SCAF4: variants seen among roughly 807,000 people sequenced by gnomAD.
The protein encoded by SCAF4 is SR-related and CTD-associated factor 4.
SCAF4 carries 25 observed loss-of-function variants against 129.8 expected under a neutral mutation model. The observed-to-expected ratio is 0.19, with a 90% CI of 0.14 to 0.27. The LOEUF (loss-of-function observed/expected upper bound fraction) is 0.27, where lower values mean the gene tolerates loss of function less well. Among genes scored for constraint, SCAF4 ranks in the 10% least tolerant of loss-of-function variants. SCAF4 has a pLI of 1.00. For synonymous variants in SCAF4, 551 were observed against 497.7 expected (o/e 1.11, Z -1.43); for missense variants, 1,246 against 1,457.1 (o/e 0.86, Z 2.36).
intron 1 of SCAF4, among the ~76,000 whole-genome samples, chr21:31,724,045 A>G (rs930344990): frequency 7.2e-5 from 11 of 152,312 alleles, no homozygotes; most frequent in African/African-American, 2.6e-4. Flanking sequence ...GGGTTTCTGT[A>G]TACTTACTTA....
chr21:31,685,412 A>C lies in SCAF4; in HGVS notation c.2282T>G (p.Ile761Arg). Residue 761 changes from isoleucine to arginine, a missense_variant, in exon 18 of 20, where the codon ATA (isoleucine) becomes AGA (arginine). Transcript: ENST00000286835. ...AACATGCTTACAGTTTGGGATGCTT[A>C]TTGGTGGAGTGTGAGGAGGAGGAAT... Reference protein sequence around the residue: ...VSIPPPHTPPISIPNSTIAGI... With the variant: ...VSIPPPHTPPRSIPNSTIAGI... 1 of 1,611,858 alleles carries C rather than the reference A, an allele frequency of 6.2e-7. No homozygotes were observed. Among genetic ancestry groups the C allele is most frequent in the Non-Finnish European group, 8.5e-7 (1 of 1,178,852 alleles).
intron 2 of SCAF4, among the ~76,000 whole-genome samples, chr21:31,705,971 C>T (rs1245010266): frequency 2.0e-5 from 3 of 152,142 alleles, no homozygotes; most frequent in Non-Finnish European, 1.5e-5. Flanking sequence ...TCAGGTGGCT[C>T]AGGCATGAGA....
chr21:31,710,772 C>T (rs1197679744), intron 1 of SCAF4, among the ~76,000 whole-genome samples: 1 of 152,198 alleles, frequency 6.6e-6, no homozygotes, highest in Non-Finnish European at 1.5e-5. Flanking sequence ...ATGCAAGTGA[C>T]ATCAGTTTTT....
intron 1 of SCAF4, among the ~76,000 whole-genome samples, chr21:31,716,883 A>G (rs2050932412): frequency 6.6e-6 from 1 of 152,172 alleles, no homozygotes; most frequent in Non-Finnish European, 1.5e-5. Flanking sequence ...CTTTACCTGA[A>G]AGCAGAATAC....
Position 31,671,535 on chromosome 21 carries a change from A to G in SCAF4, c.3308T>C (p.Val1103Ala), listed in dbSNP as rs1439846572. Residue 1103 changes from valine to alanine, a missense_variant, in exon 20 of 20, where the codon GTA (valine) becomes GCA (alanine). Transcript: ENST00000286835. ...VEPPISQVGNVDTASELEKGV... is the reference protein window; with the variant it reads ...VEPPISQVGNADTASELEKGV... ...CTTCTCAAGTTCTGAAGCAGTGTCT[A>G]CATTTCCCACTTGGCTAATGGGAGG... The G allele has an allele frequency of 1.2e-6, 2 of 1,614,158 alleles. No individual in the cohort carries two copies. Among genetic ancestry groups the G allele is most frequent in the South Asian group, 2.2e-5 (2 of 91,078 alleles).
intron 7 of SCAF4, among the ~76,000 whole-genome samples, chr21:31,698,274 G>A (rs1469471644): frequency 2.0e-5 from 3 of 152,176 alleles, no homozygotes; most frequent in African/African-American, 7.2e-5. Context: ...TGAGAAGCTT[G>A]AAACAGACCT....
chr21:31,687,574 C>T (rs1051313137), intron 16 of SCAF4, among the ~76,000 whole-genome samples: 1 of 151,998 alleles, frequency 6.6e-6, no homozygotes, highest in African/African-American at 2.4e-5. Context: ...TGTTAAATGG[C>T]ATTTATTATG....
At chr21:31,726,098 T>C (rs756561117) in intron 1 of SCAF4, among the ~76,000 whole-genome samples, 51 of 151,194 alleles carry the variant, frequency 3.4e-4, no homozygotes, top group Non-Finnish European at 5.3e-4. Flanking sequence ...CAGGCTGGAG[T>C]GCAGTGGCGC....
intron 1 of SCAF4, among the ~76,000 whole-genome samples, chr21:31,723,776 A>G (rs1001592278): frequency 6.6e-6 from 1 of 152,158 alleles, no homozygotes; most frequent in Admixed American, 6.5e-5. Flanking sequence ...TATGCCAGCT[A>G]TACCACTGCT....
intron 11 of SCAF4, among the ~76,000 whole-genome samples, chr21:31,693,740 A>G (rs946770428): frequency 2.0e-5 from 3 of 152,192 alleles, no homozygotes; most frequent in Non-Finnish European, 2.9e-5. Context: ...ACTATATAAA[A>G]TTACATCCTT....
intron 5 of SCAF4, 69 bp downstream of exon 5, chr21:31,702,175 T>C (rs1180062746): frequency 1.3e-6 from 2 of 1,597,188 alleles, no homozygotes; most frequent in Non-Finnish European, 1.7e-6. Context: ...TCAATACACA[T>C]AAACTCTGAC....
chr21:31,706,844 C>A (rs1461325174), intron 1 of SCAF4: 3 of 246,396 alleles, frequency 1.2e-5, no homozygotes, highest in South Asian at 5.4e-5. Context: ...TCTGATGAAG[C>A]CAGAGAAAGA....
rs954582247 is a variant in SCAF4, at chr21:31,671,275, TAC to T, written c.*122_*123del. The T allele has an allele frequency of 9.4e-7, 1 of 1,058,650 alleles. No homozygotes were observed. The highest frequency in any genetic ancestry group is 2.6e-5 in the East Asian group (1 of 39,170). 65.6% of individuals were successfully genotyped at this position (1,058,650 alleles called of 1,614,324 possible). A position where few individuals can be genotyped will look rare whatever the true frequency, so the allele number is the denominator to read the frequency against. ...ATAGAAGGGAAGCAATCAAATTGCT[TAC>T]AGTTCCCCACCAGCTGGCGCGGGGC... On this transcript the variant is annotated 3_prime_UTR_variant, in exon 20 of 20. Transcript: ENST00000286835.
chr21:31,699,475 CTTATT>C (rs1390502908), intron 7 of SCAF4, among the ~76,000 whole-genome samples: 1 of 150,432 alleles, frequency 6.6e-6, no homozygotes, highest in African/African-American at 2.4e-5. Context: ...GAATTCTTTC[CTTATT>C]TTATAACTTT....
At position 31,687,961 on chromosome 21, in the gene SCAF4, A is replaced by C. The variant is rs1374198530; in HGVS notation, c.2043+346T>G. On this transcript the variant is annotated intron_variant, in intron 16 of 19. Transcript: ENST00000286835. ...CGTCTCTACTAAAAATACAAAAATT[A>C]GCCAGGTGTGGTGGCAAATGCCTGT... is the stretch of plus-strand genomic sequence containing the variant. Among the ~76,000 whole-genome samples, 4 of 151,802 alleles carry C rather than the reference A, an allele frequency of 2.6e-5. No individual in the cohort carries two copies. The East Asian group carries it at 7.7e-4, about 29-fold the overall frequency.
chr21:31,706,605 G>A, intron 1 of SCAF4: 1 of 475,200 alleles, frequency 2.1e-6, no homozygotes, highest in Non-Finnish European at 3.7e-6. Flanking sequence ...GTAGTGAAAT[G>A]AAGGAAGAGC....
chr21:31,697,504 A>T (rs2050416434), intron 7 of SCAF4, among the ~76,000 whole-genome samples: 1 of 152,202 alleles, frequency 6.6e-6, no homozygotes. Flanking sequence ...ACAAAGGCTC[A>T]GGTGATTAAG....
intron 1 of SCAF4, among the ~76,000 whole-genome samples, chr21:31,710,349 G>A (rs1285476617): frequency 6.6e-6 from 1 of 152,094 alleles, no homozygotes; most frequent in African/African-American, 2.4e-5. Flanking sequence ...AGGAGTTCGA[G>A]ACCGGCCTGG....
At chr21:31,692,231 A>G in intron 13 of SCAF4, 118 bp downstream of exon 13, 3 of 708,306 alleles carry the variant, frequency 4.2e-6, no homozygotes, top group East Asian at 5.3e-5. Flanking sequence ...GAACACCTAA[A>G]TTCTAGTCAC....
Sources: allele counts gnomAD v4.1 joint callset (sites outside exome capture counted in the v4.1 genomes callset), GRCh38; gene constraint gnomAD v4.1.1; transcripts MANE v1.5; gene names NCBI Gene and HGNC (gene_info 2026-07-23, HGNC 2026-07-21).